The following RMDN3 variants were observed in gnomAD, a reference collection of about 807,000 sequenced individuals.
The protein encoded by RMDN3 is regulator of microtubule dynamics 3, also known as regulator of microtubule dynamics protein 3.
A neutral mutation model predicts 61.8 loss-of-function variants in RMDN3; 41 were observed. The ratio of observed to expected loss-of-function variants is 0.66; its 90% CI spans 0.52 to 0.86. The LOEUF (loss-of-function observed/expected upper bound fraction) is 0.86. Ranked by LOEUF, RMDN3 falls within the 40% of genes least tolerant of loss-of-function variation. The pLI, the probability that RMDN3 is intolerant of heterozygous loss-of-function variation, is 0.00. For missense variants in RMDN3, 557 were observed against 585.3 expected (o/e 0.95, Z 0.50); for synonymous variants, 247 against 232.0 (o/e 1.06, Z -0.59).
chr15:40,736,698 G>T, intron 12 of RMDN3, 104 bp from the exon 13 acceptor site: 1 of 973,844 alleles, frequency 1.0e-6, no homozygotes, highest in Non-Finnish European at 1.6e-6. Context: ...CCTGAGCTCT[G>T]CTACAGTCTT....
chr15:40,745,501 C>T (rs1466429270), intron 4 of RMDN3, among the ~76,000 whole-genome samples: 1 of 151,316 alleles, frequency 6.6e-6, no homozygotes, highest in Non-Finnish European at 1.5e-5. Flanking sequence ...AAACCTCCAC[C>T]TCCTGGGGTC....
rs1897413649 is a variant in RMDN3 at position 40,744,361 on chromosome 15, G to A, written c.808-212C>T. Reference sequence around the variant, plus strand: ...ACATTCTCTGTCTAGCCAGTAGCTTGCACAATTACGGGGTGAGGGCATTCT... The same window carrying A: ...ACATTCTCTGTCTAGCCAGTAGCTTACACAATTACGGGGTGAGGGCATTCT... On this transcript the variant is annotated intron_variant, in intron 5 of 12. Transcript: ENST00000338376. 1.1e-5 allele frequency: 6 copies of A among 529,186 alleles called. No individual in the cohort carries two copies. In the South Asian group the frequency reaches 1.2e-4, roughly 11 times the overall value. 32.8% of individuals were successfully genotyped at this position (529,186 alleles called of 1,614,324 possible).
chr15:40,751,349 T>G, intron 4 of RMDN3, 77 bp downstream of exon 4: 1 of 1,548,814 alleles, frequency 6.5e-7, no homozygotes, highest in Non-Finnish European at 8.8e-7. Flanking sequence ...CAGCTTGGTT[T>G]GAATTTTCCA....
intron 4 of RMDN3, among the ~76,000 whole-genome samples, chr15:40,750,302 C>G (rs1469027569): frequency 6.6e-6 from 1 of 150,754 alleles, no homozygotes; most frequent in Non-Finnish European, 1.5e-5. Context: ...TCACTGAAAC[C>G]TCTGCCTCCT....
At chr15:40,753,948 C>A (rs575435680) in intron 2 of RMDN3, among the ~76,000 whole-genome samples, 60 of 152,252 alleles carry the variant, frequency 3.9e-4, no homozygotes, top group Middle Eastern at 3.4e-3. Context: ...CAAGATTATT[C>A]TTTTTGCCCT....
At chr15:40,752,377 C>T (rs1897867184) in intron 2 of RMDN3, among the ~76,000 whole-genome samples, 199 bp from the exon 3 acceptor site, 2 of 152,132 alleles carry the variant, frequency 1.3e-5, no homozygotes, top group African/African-American at 4.8e-5. Flanking sequence ...GCCCTCTGCT[C>T]CAAGAACCTT....
rs1296093639 is a variant in RMDN3, at chr15:40,736,201, C to CTATAGCTTTG, written c.*330_*339dup. 2 of 306,204 alleles carry CTATAGCTTTG rather than the reference C, an allele frequency of 6.5e-6. No individual in the cohort carries two copies. Among genetic ancestry groups the CTATAGCTTTG allele is most frequent in the Non-Finnish European group, 1.2e-5 (2 of 167,568 alleles). 19.0% of individuals were successfully genotyped at this position (306,204 alleles called of 1,614,324 possible). On this transcript the variant is annotated 3_prime_UTR_variant, in exon 13 of 13. Transcript: ENST00000338376. ...AAGTGACAAGTTATGTGCTTTGTTC[C>CTATAGCTTTG]TATAGCTTTGAAGTTCATCCACCTC... is the stretch of plus-strand genomic sequence containing the variant.
At chr15:40,752,277 A>T in intron 2 of RMDN3, 99 bp from the exon 3 acceptor site, 1 of 1,248,410 alleles carries the variant, frequency 8.0e-7, no homozygotes, top group Non-Finnish European at 1.1e-6. Context: ...CCATTGGAAG[A>T]GAAGGCCCAG....
chr15:40,740,079 T>C (rs1897217753), intron 7 of RMDN3, 54 bp downstream of exon 7: 5 of 1,177,012 alleles, frequency 4.2e-6, no homozygotes, highest in Non-Finnish European at 5.1e-6. Context: ...GAAAGGGCTG[T>C]CCTCTGCTTT....
chr15:40,738,047 G>A lies in RMDN3; in HGVS notation c.1048-5C>T, dbSNP rs376771038. 93 of 1,613,948 alleles carry A rather than the reference G, an allele frequency of 5.8e-5. No homozygotes were observed. In the African/African-American group the frequency reaches 1.1e-3, roughly 19 times the overall value. On this transcript the variant is annotated splice_polypyrimidine_tract_variant and splice_region_variant and intron_variant, in intron 8 of 12. Transcript: ENST00000338376. ...AATGGCTTTGTCCACATGCTCCTAAGGGGAAAATGTAAATATAAACTAACA... is the reference window on the plus strand; with the variant it reads ...AATGGCTTTGTCCACATGCTCCTAAAGGGAAAATGTAAATATAAACTAACA...
At chr15:40,744,771 A>T (rs542451770) in intron 5 of RMDN3, among the ~76,000 whole-genome samples, 1 of 152,254 alleles carries the variant, frequency 6.6e-6, no homozygotes, top group Non-Finnish European at 1.5e-5. Context: ...GGCAAGCAGT[A>T]CACTGGCCCT....
intron 4 of RMDN3, among the ~76,000 whole-genome samples, chr15:40,750,722 G>A (rs74011881): frequency 6.6e-6 from 1 of 152,146 alleles, no homozygotes; most frequent in Non-Finnish European, 1.5e-5. Flanking sequence ...GAAGAATAAA[G>A]GCTGGACAAG....
chr15:40,737,034 G>A (rs1897079848), intron 12 of RMDN3, 90 bp downstream of exon 12: 1 of 1,039,402 alleles, frequency 9.6e-7, no homozygotes, highest in South Asian at 1.3e-5. Context: ...TGTAATTTTA[G>A]TAGAGATGGG....
chr15:40,751,542 C>T lies in RMDN3; in HGVS notation c.408G>A (p.Val136=), dbSNP rs1897823183. The part of the protein sequence containing the change: ...VRCHMEENQR[V]ARRRRFPFVR... ...CAAACGGAAACCTTCGCCGCCGAGCCACTCTCTGGTTCTCTTCCATGTGGC... is the reference window on the plus strand; with the variant it reads ...CAAACGGAAACCTTCGCCGCCGAGCTACTCTCTGGTTCTCTTCCATGTGGC... The change falls in exon 4 of 13, where the codon GTG becomes GTA. Residue 136 remains valine, a synonymous_variant. Transcript: ENST00000338376. 1 of 1,614,228 alleles carries T rather than the reference C, an allele frequency of 6.2e-7. No individual in the cohort carries two copies. Among genetic ancestry groups the T allele is most frequent in the Non-Finnish European group, 8.5e-7 (1 of 1,180,038 alleles).
At position 40,754,805 on chromosome 15, in the gene RMDN3, A is replaced by C. The variant is rs772391296; in HGVS notation, c.-7-15T>G. 3.9e-5 allele frequency: 47 copies of C among 1,202,100 alleles called. No homozygotes were observed. The highest frequency in any genetic ancestry group is 5.3e-5 in the Non-Finnish European group (46 of 874,950). 74.5% of individuals were successfully genotyped at this position (1,202,100 alleles called of 1,614,324 possible). On this transcript the variant is annotated splice_polypyrimidine_tract_variant and intron_variant, in intron 1 of 12. Transcript: ENST00000338376. ...ACATGCTGCACCTGCGGCCAGCAGA[A>C]GTCACCGGGAGCAGGCAGGCGGGCG...
chr15:40,741,491 CAA>C (rs1897276960), intron 6 of RMDN3, among the ~76,000 whole-genome samples: 1 of 151,794 alleles, frequency 6.6e-6, no homozygotes. Flanking sequence ...AGTGTTCTAA[CAA>C]AGAAATGAAA....
intron 4 of RMDN3, among the ~76,000 whole-genome samples, chr15:40,748,364 G>A (rs995278881): frequency 6.6e-6 from 1 of 152,222 alleles, no homozygotes; most frequent in African/African-American, 2.4e-5. Flanking sequence ...AGAACAGCCG[G>A]CTCAACCACA....
intron 4 of RMDN3, among the ~76,000 whole-genome samples, 155 bp from the exon 5 acceptor site, chr15:40,745,414 T>TTC (rs1482487974): frequency 1.4e-5 from 2 of 144,288 alleles, no homozygotes; most frequent in Non-Finnish European, 3.0e-5. Flanking sequence ...CTTTTTTTCT[T>TTC]TTTTTTTTTT....
chr15:40,744,643 A>T (rs1897433891), intron 5 of RMDN3, among the ~76,000 whole-genome samples: 1 of 152,034 alleles, frequency 6.6e-6, no homozygotes, highest in Non-Finnish European at 1.5e-5. Flanking sequence ...GAGGAGAAAA[A>T]AAAAATACAG....
Sources: gnomAD v4.1 joint callset for allele counts (sites outside exome capture counted in the v4.1 genomes callset) on GRCh38, gnomAD v4.1.1 for gene constraint, MANE v1.5 for transcripts, NCBI Gene and HGNC (gene_info 2026-07-23, HGNC 2026-07-21) for gene names.